The following COL4A6 variants were observed in gnomAD, a reference collection of about 807,000 sequenced individuals.
The protein encoded by COL4A6 is collagen type IV alpha 6 chain, also known as collagen alpha-6(IV) chain.
Under a neutral mutation model 126.7 loss-of-function variants are expected in COL4A6, and 59 were observed. The ratio of observed to expected loss-of-function variants is 0.47; its 90% CI spans 0.38 to 0.58. The LOEUF (loss-of-function observed/expected upper bound fraction) is 0.58. Among genes scored for constraint, COL4A6 ranks in the 20% least tolerant of loss-of-function variants. The probability of loss-of-function intolerance (pLI) is 0.00; values close to 1 mark genes in which losing one functional copy is unlikely to be tolerated. For missense variants in COL4A6, 1,285 were observed against 1,337.3 expected (o/e 0.96, Z 0.61); for synonymous variants, 547 against 496.6 (o/e 1.10, Z -1.35).
chrX:108,325,235 C>T (rs113429535), intron 2 of COL4A6, among the ~76,000 whole-genome samples: 69 of 112,138 alleles, frequency 6.2e-4, no homozygotes, highest in African/African-American at 2.0e-3. Context: ...GGCGAAGGAG[C>T]GGTCCAGTAT....
intron 28 of COL4A6, 137 bp from the exon 29 acceptor site, chrX:108,175,934 A>G: frequency 2.0e-6 from 1 of 496,558 alleles, no homozygotes; most frequent in South Asian, 3.3e-5. Flanking sequence ...AGGTTTCTCT[A>G]ATTCCAAAGT....
chrX:108,438,284 G>C lies in COL4A6; in HGVS notation c.-88C>G, dbSNP rs1374425007. 1 of 1,128,976 alleles carries C rather than the reference G, an allele frequency of 8.9e-7. No homozygotes were observed. Among genetic ancestry groups the C allele is most frequent in the Non-Finnish European group, 1.2e-6 (1 of 858,686 alleles). 93.0% of individuals were successfully genotyped at this position (1,128,976 alleles called of 1,213,427 possible). On this transcript the variant is annotated 5_prime_UTR_variant, in exon 1 of 45. Coordinates refer to ENST00000334504, the MANE Select transcript of COL4A6 (RefSeq NM_033641.4). ...ATCTGGGCTCTGCTGATGCTTGGAG[G>C]CTGTTTCCTTACTCAGAACAGAGTA...
chrX:108,163,210 C>CATA, intron 40 of COL4A6, 172 bp from the exon 41 acceptor site: 1 of 411,861 alleles, frequency 2.4e-6, no homozygotes, highest in Non-Finnish European at 4.1e-6. Context: ...AATCTTTATC[C>CATA]ATCTCTCTCC....
intron 2 of COL4A6, among the ~76,000 whole-genome samples, chrX:108,423,804 A>G (rs1044688945): frequency 9.0e-6 from 1 of 111,522 alleles, no homozygotes; most frequent in Non-Finnish European, 1.9e-5. Flanking sequence ...AGAGTCTACA[A>G]TCTATCTTTT....
intron 30 of COL4A6, 40 bp from the exon 31 acceptor site, chrX:108,174,661 C>T: frequency 9.0e-7 from 1 of 1,106,616 alleles, no homozygotes; most frequent in Non-Finnish European, 1.2e-6. Context: ...AGACACTGGG[C>T]AAGAAAAACC....
At chrX:108,203,888 A>G (rs1442701593) in intron 12 of COL4A6, among the ~76,000 whole-genome samples, 2 of 112,177 alleles carry the variant, frequency 1.8e-5, no homozygotes, top group African/African-American at 3.2e-5. Context: ...TTAAGAGCAA[A>G]TAACTTCTTT....
At chrX:108,341,825 A>T (rs2039573333) in intron 2 of COL4A6, among the ~76,000 whole-genome samples, 1 of 111,842 alleles carries the variant, frequency 8.9e-6, no homozygotes, top group Admixed American at 9.5e-5. Context: ...GGACCGATAA[A>T]TGCACCCACT....
chrX:108,200,103 C>T (rs770975804), intron 13 of COL4A6, among the ~76,000 whole-genome samples: 1 of 111,939 alleles, frequency 8.9e-6, no homozygotes, highest in South Asian at 3.8e-4. Context: ...AGGTGAAAAC[C>T]TTATTCCCAA....
intron 2 of COL4A6, among the ~76,000 whole-genome samples, chrX:108,428,464 C>G (rs1338653393): frequency 8.9e-6 from 1 of 111,756 alleles, no homozygotes; most frequent in Admixed American, 9.5e-5. Context: ...TGTTCACATA[C>G]AGCATCCACA....
At chrX:108,219,550 C>A in intron 5 of COL4A6, 148 bp downstream of exon 5, 1 of 538,757 alleles carries the variant, frequency 1.9e-6, no homozygotes. Flanking sequence ...TGTGTGTGAC[C>A]ACTGCCCTTT....
intron 3 of COL4A6, among the ~76,000 whole-genome samples, chrX:108,228,300 T>C (rs747881286): frequency 1.6e-3 from 179 of 112,318 alleles, no homozygotes; most frequent in African/African-American, 5.6e-3. Flanking sequence ...TCTGCATTCA[T>C]GAAACTTATA....
intron 2 of COL4A6, among the ~76,000 whole-genome samples, chrX:108,428,822 A>G (rs967103069): frequency 8.9e-6 from 1 of 112,132 alleles, no homozygotes; most frequent in African/African-American, 3.2e-5. Context: ...ATGAAAAAAA[A>G]CACACAGGTG....
intron 2 of COL4A6, chrX:108,383,894 A>G (rs1333453290): frequency 5.5e-6 from 3 of 545,486 alleles, no homozygotes; most frequent in African/African-American, 4.6e-5. Flanking sequence ...AAAATACAGA[A>G]AGTTAAGTTC....
intron 3 of COL4A6, among the ~76,000 whole-genome samples, chrX:108,272,433 T>C (rs957583889): frequency 8.9e-6 from 1 of 111,732 alleles, no homozygotes; most frequent in Non-Finnish European, 1.9e-5. Context: ...TTTGAGACTT[T>C]ACTCAAACCA....
chrX:108,301,304 A>G (rs140681774), intron 3 of COL4A6, among the ~76,000 whole-genome samples: 36 of 112,637 alleles, frequency 3.2e-4, no homozygotes, highest in African/African-American at 1.2e-3. Flanking sequence ...CATATAAAAA[A>G]CATGCTTTCC....
At chrX:108,230,350 C>T (rs777007076) in intron 3 of COL4A6, among the ~76,000 whole-genome samples, 1 of 111,847 alleles carries the variant, frequency 8.9e-6, no homozygotes, top group East Asian at 2.8e-4. Context: ...AGGCCACTTC[C>T]AAGTCTCATT....
chrX:108,172,206 C>T (rs377759164), intron 32 of COL4A6, among the ~76,000 whole-genome samples: 16 of 108,137 alleles, frequency 1.5e-4, no homozygotes, highest in Non-Finnish European at 2.7e-4. Flanking sequence ...AAAAATTAGC[C>T]GGGTGTGGTG....
Position 108,175,027 on chromosome X carries a change from A to G in COL4A6, c.2956+63T>C, listed in dbSNP as rs1227140750. 18 of 1,107,173 alleles carry G rather than the reference A, an allele frequency of 1.6e-5. No homozygotes were observed. In the East Asian group the frequency reaches 5.1e-4, roughly 31 times the overall value. 91.2% of individuals were successfully genotyped at this position (1,107,173 alleles called of 1,213,427 possible). ...ACTTGAGGGCCTTTGCTCAAGAAGGAAGCCAAGTTTGGTTATGAAGCCTCT... is the reference window on the plus strand; with the variant it reads ...ACTTGAGGGCCTTTGCTCAAGAAGGGAGCCAAGTTTGGTTATGAAGCCTCT... On this transcript the variant is annotated intron_variant, in intron 30 of 44. Transcript: ENST00000334504.
At chrX:108,201,799 C>T (rs1288332148) in intron 13 of COL4A6, among the ~76,000 whole-genome samples, 1 of 111,632 alleles carries the variant, frequency 9.0e-6, no homozygotes, top group African/African-American at 3.3e-5. Context: ...CTGCAATACC[C>T]TCTGTGTTTG....
Sources: allele counts gnomAD v4.1 joint callset (sites outside exome capture counted in the v4.1 genomes callset), GRCh38; gene constraint gnomAD v4.1.1; transcripts MANE v1.5; gene names NCBI Gene and HGNC (gene_info 2026-07-23, HGNC 2026-07-21).